GRM7: variants seen among roughly 807,000 people sequenced by gnomAD.
GRM7 encodes the protein metabotropic glutamate receptor 7.
Under a neutral mutation model 84.5 loss-of-function variants are expected in GRM7, and 35 were observed. The ratio of observed to expected loss-of-function variants is 0.41; its 90% CI spans 0.32 to 0.55. GRM7 has a LOEUF of 0.55. GRM7 is among the 20% of genes least tolerant of loss of function. GRM7 has a pLI of 0.19. For synonymous variants in GRM7, 487 were observed against 455.1 expected, an observed-to-expected ratio of 1.07 and a Z score of -0.89; for missense variants, 1,003 against 1,194.6, an observed-to-expected ratio of 0.84 and a Z score of 2.36.
intron 8 of GRM7, among the ~76,000 whole-genome samples, chr3:7,623,982 CA>C (rs1476779218): frequency 2.6e-5 from 4 of 152,088 alleles, no homozygotes; most frequent in Non-Finnish European, 5.9e-5. Context: ...GTTGACTTTT[CA>C]AAGTGTCATA....
chr3:6,939,012 A>G (rs1401602838), intron 1 of GRM7, among the ~76,000 whole-genome samples: 1 of 152,238 alleles, frequency 6.6e-6, no homozygotes, highest in Non-Finnish European at 1.5e-5. Flanking sequence ...TCTTGCTTAA[A>G]TGTATAAGCA....
chr3:7,636,174 G>A, intron 8 of GRM7: 1 of 456,192 alleles, frequency 2.2e-6, no homozygotes, highest in Admixed American at 2.4e-5. Flanking sequence ...GTGTCCACTA[G>A]GCTAACTTCT....
intron 1 of GRM7, among the ~76,000 whole-genome samples, chr3:7,004,980 C>T (rs757376707): frequency 2.9e-4 from 44 of 152,152 alleles, no homozygotes; most frequent in Non-Finnish European, 5.4e-4. Flanking sequence ...AGTGTCATTG[C>T]CAGGCACAGC....
At chr3:6,973,832 A>G (rs1693871434) in intron 1 of GRM7, among the ~76,000 whole-genome samples, 1 of 152,210 alleles carries the variant, frequency 6.6e-6, no homozygotes. Context: ...TGCAGTTCAC[A>G]TGGGGCCTTA....
chr3:7,740,344 AT>A lies in GRM7; in HGVS notation c.2699-8del. ...TTATTACTGCAACTGACACTTTCTA[AT>A]TTTTCTTTCAGGCCCTGCTGCAAAA... On this transcript the variant is annotated splice_polypyrimidine_tract_variant and intron_variant, in intron 9 of 9. Coordinates refer to ENST00000357716, the MANE Select transcript of GRM7 (RefSeq NM_000844.4). 2 of 1,561,392 alleles carry A rather than the reference AT, an allele frequency of 1.3e-6. No homozygotes were observed. The highest frequency in any genetic ancestry group is 1.8e-6 in the Non-Finnish European group (2 of 1,138,646).
In GRM7 at chr3:7,246,598, A is replaced by G. The variant is rs145044686; in HGVS notation, c.737-52086A>G. 1.3e-3 allele frequency among the ~76,000 whole-genome samples: 192 copies of G among 152,268 alleles called. 1 individual carries two copies. Among genetic ancestry groups the G allele is most frequent in the African/African-American group, 4.4e-3 (182 of 41,560 alleles). On this transcript the variant is annotated intron_variant, in intron 2 of 9. Transcript: ENST00000357716. ...AACACCTGATTTTACCCTGTTGCCA[A>G]GTTCTTGCCTGATCTAAATCCTTCT... is the stretch of plus-strand genomic sequence containing the variant.
At chr3:7,571,072 A>G (rs752751717) in intron 7 of GRM7, among the ~76,000 whole-genome samples, 8 of 152,134 alleles carry the variant, frequency 5.3e-5, no homozygotes, top group Non-Finnish European at 1.2e-4. Context: ...TTCACACAGC[A>G]CAGGGATCCT....
chr3:6,888,182 G>A (rs1014250996), intron 1 of GRM7, among the ~76,000 whole-genome samples: 11 of 151,898 alleles, frequency 7.2e-5, no homozygotes, highest in African/African-American at 2.7e-4. Flanking sequence ...TTTGTAGGTT[G>A]CCTGTTCACT....
intron 1 of GRM7, among the ~76,000 whole-genome samples, chr3:7,066,232 AC>A (rs1344331882): frequency 6.6e-6 from 1 of 151,968 alleles, no homozygotes; most frequent in African/African-American, 2.4e-5. Context: ...GATAAATGAA[AC>A]AAAAAGCTGG....
chr3:7,395,283 A>C (rs900203483), intron 4 of GRM7, among the ~76,000 whole-genome samples: 3 of 152,146 alleles, frequency 2.0e-5, no homozygotes, highest in Non-Finnish European at 2.9e-5. Context: ...TGTATCTATG[A>C]TGATTCACAT....
At chr3:6,973,339 C>T (rs556216345) in intron 1 of GRM7, among the ~76,000 whole-genome samples, 11 of 152,134 alleles carry the variant, frequency 7.2e-5, no homozygotes, top group East Asian at 3.9e-4. Flanking sequence ...TTCTTAGCAC[C>T]GATCTCAGTA....
intron 1 of GRM7, among the ~76,000 whole-genome samples, chr3:6,985,199 A>G (rs1413453646): frequency 3.3e-5 from 5 of 152,194 alleles, no homozygotes; most frequent in Non-Finnish European, 7.3e-5. Context: ...TCCCTCAAGC[A>G]TTTATCCTTT....
chr3:7,622,112 C>T (rs1324565793), intron 8 of GRM7, among the ~76,000 whole-genome samples: 5 of 152,110 alleles, frequency 3.3e-5, no homozygotes, highest in African/African-American at 1.2e-4. Flanking sequence ...ATGATTTACC[C>T]AAATCGCCAT....
chr3:7,221,328 A>G (rs1462238846), intron 2 of GRM7, among the ~76,000 whole-genome samples: 1 of 152,168 alleles, frequency 6.6e-6, no homozygotes. Flanking sequence ...CTATGACTAG[A>G]GTTGAGCAGC....
intron 1 of GRM7, among the ~76,000 whole-genome samples, chr3:7,003,146 A>G (rs1264044738): frequency 6.6e-6 from 1 of 152,190 alleles, no homozygotes; most frequent in South Asian, 2.1e-4. Flanking sequence ...AGTTAGACTA[A>G]AGGAACACAA....
At chr3:7,650,697 A>C (rs963534574) in intron 8 of GRM7, among the ~76,000 whole-genome samples, 1 of 152,178 alleles carries the variant, frequency 6.6e-6, no homozygotes, top group African/African-American at 2.4e-5. Flanking sequence ...GAGAAAATTC[A>C]AAGTCCATAA....
intron 8 of GRM7, among the ~76,000 whole-genome samples, chr3:7,583,382 G>T (rs137980094): frequency 6.6e-6 from 1 of 152,288 alleles, no homozygotes; most frequent in East Asian, 1.9e-4. Flanking sequence ...AATTTGGCAG[G>T]TAGATAAATG....
At chr3:7,352,663 A>T (rs954975108) in intron 4 of GRM7, among the ~76,000 whole-genome samples, 4 of 152,080 alleles carry the variant, frequency 2.6e-5, no homozygotes, top group Non-Finnish European at 4.4e-5. Flanking sequence ...GAGAATACGG[A>T]TGTGTGTGAG....
At position 7,709,186 on chromosome 3, in the gene GRM7, C is replaced by T. The variant is rs891705264; in HGVS notation, c.2698+28891C>T. The stretch of plus-strand genomic sequence containing the variant: ...ATAGTATCCATGATAAATCCTTACT[C>T]ATGTGGCATTTATGTTTTAGTCAAA... On this transcript the variant is annotated intron_variant, in intron 9 of 9. Coordinates refer to ENST00000357716, the MANE Select transcript of GRM7 (RefSeq NM_000844.4). Among the ~76,000 whole-genome samples, 8 of 152,060 alleles carry T rather than the reference C, an allele frequency of 5.3e-5. No homozygotes were observed. In the South Asian group the frequency reaches 1.7e-3, roughly 32 times the overall value.
Sources: allele counts gnomAD v4.1 joint callset (sites outside exome capture counted in the v4.1 genomes callset), GRCh38; gene constraint gnomAD v4.1.1; transcripts MANE v1.5; gene names NCBI Gene and HGNC (gene_info 2026-07-23, HGNC 2026-07-21).